SETD5: variants seen among roughly 807,000 people sequenced by gnomAD.
SETD5 encodes histone-lysine N-methyltransferase SETD5.
A neutral mutation model predicts 153.3 loss-of-function variants in SETD5; 44 were observed. The ratio of observed to expected loss-of-function variants is 0.29; its 90% CI spans 0.23 to 0.37. SETD5 has a LOEUF of 0.37. Among genes scored for constraint, SETD5 ranks in the 10% least tolerant of loss-of-function variants. The pLI, the probability that SETD5 is intolerant of heterozygous loss-of-function variation, is 1.00. For synonymous variants in SETD5, 716 were observed against 645.2 expected (o/e 1.11, Z -1.66); for missense variants, 1,544 against 1,768.0 (o/e 0.87, Z 2.27).
At chr3:9,474,317 T>C (rs1280848929) in intron 20 of SETD5, 132 bp from the exon 21 acceptor site, 5 of 957,998 alleles carry the variant, frequency 5.2e-6, no homozygotes, top group Non-Finnish European at 7.5e-6. Flanking sequence ...AGGAAATACG[T>C]TGTTTTAAAT....
At position 9,473,492 on chromosome 3, in the gene SETD5, C is replaced by G; in HGVS notation, c.3452C>G (p.Thr1151Ser). Reference protein sequence around the residue: ...EAVSPSDSRGTSSSHCRPQEN... With the variant: ...EAVSPSDSRGSSSSHCRPQEN... ...GTAAGCCCATCAGATTCCAGAGGCACTTCTTCATCTCACTGCAGACCTCAA... is the reference window on the plus strand; with the variant it reads ...GTAAGCCCATCAGATTCCAGAGGCAGTTCTTCATCTCACTGCAGACCTCAA... The change falls in exon 20 of 23, where the codon ACT (threonine) becomes AGT (serine). Residue 1151 changes from threonine to serine, a missense_variant. Around this residue, in one of 9 missense-constraint regions of SETD5, gnomAD observed 93 missense variants for 93.4 expected, o/e 1.00. Coordinates refer to ENST00000402198, the MANE Select transcript of SETD5 (RefSeq NM_001080517.3). The G allele has an allele frequency of 6.2e-7, 1 of 1,613,802 alleles. No individual in the cohort carries two copies. The highest frequency in any genetic ancestry group is 8.5e-7 in the Non-Finnish European group (1 of 1,179,846).
At chr3:9,453,184 G>A (rs2042830019) in intron 16 of SETD5, among the ~76,000 whole-genome samples, 1 of 152,072 alleles carries the variant, frequency 6.6e-6, no homozygotes, top group African/African-American at 2.4e-5. Flanking sequence ...ACTTGTTGGA[G>A]GGGGGAGTCC....
chr3:9,417,774 T>C (rs910558175), intron 1 of SETD5, among the ~76,000 whole-genome samples: 1 of 151,300 alleles, frequency 6.6e-6, no homozygotes, highest in African/African-American at 2.4e-5. Context: ...CGGGATCCAC[T>C]GCGCCTGGCC....
intron 22 of SETD5, 141 bp downstream of exon 22, chr3:9,475,297 C>A: frequency 8.9e-7 from 1 of 1,128,994 alleles, no homozygotes; most frequent in Non-Finnish European, 1.2e-6. Context: ...TGCTTGTCCT[C>A]AGGTAATAAA....
chr3:9,433,295 A>C, intron 3 of SETD5: 1 of 980,754 alleles, frequency 1.0e-6, no homozygotes, highest in South Asian at 1.4e-5. Context: ...AATATTTGAA[A>C]GGTGTTGGGG....
chr3:9,440,035 A>G (rs1038114421), intron 7 of SETD5, among the ~76,000 whole-genome samples: 1 of 152,210 alleles, frequency 6.6e-6, no homozygotes. Flanking sequence ...CTTAACACAG[A>G]TATTCAGTGA....
At chr3:9,445,471 C>A in intron 12 of SETD5, 171 bp downstream of exon 12, 1 of 941,026 alleles carries the variant, frequency 1.1e-6, no homozygotes, top group Non-Finnish European at 1.6e-6. Context: ...AAGTCAAAAA[C>A]ATCCTTTGCT....
chr3:9,443,287 A>G (rs1233267614), intron 10 of SETD5, 21 bp from the exon 11 acceptor site: 2 of 1,537,366 alleles, frequency 1.3e-6, no homozygotes, highest in Non-Finnish European at 1.8e-6. Context: ...GAAAAATCCA[A>G]CCAGAAGCCT....
intron 2 of SETD5, among the ~76,000 whole-genome samples, chr3:9,424,949 A>T (rs768368443): frequency 6.6e-6 from 1 of 151,862 alleles, no homozygotes; most frequent in African/African-American, 2.4e-5. Flanking sequence ...AAGCTAACCT[A>T]TTATGGTTGC....
chr3:9,436,603 G>T (rs1053060441), intron 7 of SETD5, among the ~76,000 whole-genome samples: 3 of 152,118 alleles, frequency 2.0e-5, no homozygotes, highest in African/African-American at 7.2e-5. Context: ...TTTAAGAGAT[G>T]CATGCTCTTC....
chr3:9,425,055 C>CTTTTT (rs778883904), intron 2 of SETD5, among the ~76,000 whole-genome samples: 3,670 of 83,586 alleles, frequency 0.044, 457 homozygotes, highest in African/African-American at 0.12. Flanking sequence ...GACAATGTTT[C>CTTTTT]TTTTTTTTTT....
rs2040344084 is a variant in SETD5, at chr3:9,434,586, G to A, written c.329+101G>A. 2 of 1,544,976 alleles carry A rather than the reference G, an allele frequency of 1.3e-6. No homozygotes were observed. Among genetic ancestry groups the A allele is most frequent in the Non-Finnish European group, 1.7e-6 (2 of 1,145,496 alleles). ...AGTATTCTTTCTTGTGTTTGTTAAT[G>A]TAGATGATTCCTTAGTGCTCCTTGG... On this transcript the variant is annotated intron_variant, in intron 5 of 22. Transcript: ENST00000402198. The surrounding 1 kb of genome is among the most constrained non-coding windows in gnomAD (Gnocchi z 5.6).
At chr3:9,453,419 G>T (rs2042858282) in intron 16 of SETD5, among the ~76,000 whole-genome samples, 1 of 152,106 alleles carries the variant, frequency 6.6e-6, no homozygotes, top group Admixed American at 6.5e-5. Context: ...CTAAATAAAT[G>T]TTAAGATTTC....
At chr3:9,469,234 T>C (rs1368801892) in intron 18 of SETD5, among the ~76,000 whole-genome samples, 8 of 152,336 alleles carry the variant, frequency 5.3e-5, no homozygotes, top group Admixed American at 1.3e-4. Context: ...GTTATCTCTT[T>C]AGGATATCAG....
rs1441556392 is a variant in SETD5, at chr3:9,477,445, G to A, written c.*1354G>A. The A allele has an allele frequency of 1.3e-5, 2 of 152,568 alleles. No homozygotes were observed. The highest frequency in any genetic ancestry group is 2.9e-5 in the Non-Finnish European group (2 of 68,050). 9.5% of individuals were successfully genotyped at this position (152,568 alleles called of 1,614,324 possible). A position where few individuals can be genotyped will look rare whatever the true frequency, so the allele number is the denominator to read the frequency against. On this transcript the variant is annotated 3_prime_UTR_variant, in exon 23 of 23. Transcript: ENST00000402198. The stretch of plus-strand genomic sequence containing the variant: ...GGTAGGGGTAGTGAATATATGACAG[G>A]TGTAATCCCTGGTGCTGCAGTGGAC...
intron 1 of SETD5, among the ~76,000 whole-genome samples, chr3:9,406,078 C>G (rs1468369676): frequency 6.6e-6 from 1 of 152,146 alleles, no homozygotes; most frequent in East Asian, 1.9e-4. Context: ...TTTACATTTT[C>G]CCTTATTAAC....
At position 9,429,308 on chromosome 3, in the gene SETD5, T is replaced by TA. The variant is rs1306952570; in HGVS notation, c.71+300dup. 1.8e-5 allele frequency: 4 copies of TA among 220,264 alleles called. No individual in the cohort carries two copies. In the East Asian group the frequency reaches 4.9e-4, roughly 27 times the overall value. The allele number at this position is 220,264 out of a possible 1,614,324, so 13.6% of individuals were successfully genotyped here. Reference sequence around the variant, plus strand: ...GAGAAAATTGGAATAAAGTAGGTGTTACTACCTGCTTCTGTAGAGTTAATG... The same window carrying TA: ...GAGAAAATTGGAATAAAGTAGGTGTTAACTACCTGCTTCTGTAGAGTTAATG... On this transcript the variant is annotated intron_variant, in intron 3 of 22. Transcript: ENST00000402198.
rs1553619050 is a variant in SETD5 at position 9,437,522 on chromosome 3, C to CGCGTGTGTGTGTGTGT, written c.567+1617_567+1618insCGTGTGTGTGTGTGTG. On this transcript the variant is annotated intron_variant, in intron 7 of 22. Coordinates refer to ENST00000402198, the MANE Select transcript of SETD5 (RefSeq NM_001080517.3). Reference sequence around the variant, plus strand: ...TTATGCTGTCTGGTATCCTCCTTTACGTGTGTGTGTGTGTGTGTGTGTGTG... The same window carrying CGCGTGTGTGTGTGTGT: ...TTATGCTGTCTGGTATCCTCCTTTACGCGTGTGTGTGTGTGTGTGTGTGTGTGTGTGTGTGTGTGTG... 1.9e-4 allele frequency among the ~76,000 whole-genome samples: 27 copies of CGCGTGTGTGTGTGTGT among 145,124 alleles called. 1 individual carries two copies. The highest frequency in any genetic ancestry group is 4.6e-4 in the African/African-American group (18 of 38,742).
At chr3:9,428,541 A>T (rs1391091484) in intron 2 of SETD5, among the ~76,000 whole-genome samples, 1 of 152,180 alleles carries the variant, frequency 6.6e-6, no homozygotes, top group African/African-American at 2.4e-5. Context: ...GCAGTTTTAG[A>T]ATGGGGAGAA....
Sources: allele counts gnomAD v4.1 joint callset (sites outside exome capture counted in the v4.1 genomes callset), GRCh38; gene constraint gnomAD v4.1.1; regional missense constraint gnomAD v4.1.1; non-coding constraint Gnocchi (gnomAD v3.1); transcripts MANE v1.5; gene names NCBI Gene and HGNC (gene_info 2026-07-23, HGNC 2026-07-21).